The following PAN3 variants were observed in gnomAD, a reference collection of about 807,000 sequenced individuals.
PAN3 encodes poly(A) specific ribonuclease subunit PAN3, also known as PAN2-PAN3 deadenylation complex subunit PAN3.
In PAN3, 19 loss-of-function variants were observed where a neutral mutation model predicts 96.2. The observed-to-expected ratio is 0.20, with a 90% CI of 0.14 to 0.29. PAN3 has a LOEUF of 0.29. Ranked by LOEUF, PAN3 falls within the 10% of genes least tolerant of loss-of-function variation. The pLI is 1.00. For synonymous variants in PAN3, 433 were observed against 406.6 expected (o/e 1.06, Z -0.78); for missense variants, 882 against 1,108.1 (o/e 0.80, Z 2.90).
chr13:28,235,301 T>C (rs1882976939), intron 6 of PAN3, among the ~76,000 whole-genome samples: 1 of 152,190 alleles, frequency 6.6e-6, no homozygotes, highest in Admixed American at 6.5e-5. Flanking sequence ...CCTCTTCCCC[T>C]GTTTACTTCC....
At chr13:28,243,043 A>C (rs967821370) in intron 6 of PAN3, among the ~76,000 whole-genome samples, 1 of 152,182 alleles carries the variant, frequency 6.6e-6, no homozygotes, top group Non-Finnish European at 1.5e-5. Context: ...TCTTATTTCA[A>C]ATATTTTGTA....
intron 9 of PAN3, 54 bp from the exon 10 acceptor site, chr13:28,266,661 G>A: frequency 2.2e-6 from 3 of 1,368,392 alleles, no homozygotes; most frequent in Admixed American, 2.5e-5. Context: ...GTATTTTTGA[G>A]AAAGATTTAT....
chr13:28,152,740 A>G (rs537927403), intron 1 of PAN3, among the ~76,000 whole-genome samples: 2 of 152,366 alleles, frequency 1.3e-5, no homozygotes, highest in Admixed American at 6.5e-5. Flanking sequence ...TGAAAAAATG[A>G]CAGCCCTTCA....
chr13:28,207,625 G>A (rs1879530303), intron 5 of PAN3, among the ~76,000 whole-genome samples: 1 of 152,086 alleles, frequency 6.6e-6, no homozygotes, highest in South Asian at 2.1e-4. Flanking sequence ...TAGCAAACTT[G>A]TCTTTTAAGA....
chr13:28,290,030 G>A (rs1869546665), intron 18 of PAN3, among the ~76,000 whole-genome samples: 1 of 152,272 alleles, frequency 6.6e-6, no homozygotes, highest in Non-Finnish European at 1.5e-5. Flanking sequence ...GTATAAACCA[G>A]GAGCTGGTAA....
chr13:28,256,717 C>T (rs1321342477), intron 7 of PAN3, among the ~76,000 whole-genome samples, 178 bp downstream of exon 7: 4 of 152,108 alleles, frequency 2.6e-5, no homozygotes, highest in Non-Finnish European at 4.4e-5. Context: ...TCTAGTTCTG[C>T]CTTACTAATA....
chr13:28,221,533 A>G (rs1177968970), intron 6 of PAN3, among the ~76,000 whole-genome samples: 1 of 152,124 alleles, frequency 6.6e-6, no homozygotes. Flanking sequence ...GGAGAAGATA[A>G]AGATAACACA....
intron 12 of PAN3, among the ~76,000 whole-genome samples, chr13:28,268,554 G>A (rs2138658212): frequency 6.6e-6 from 1 of 152,206 alleles, no homozygotes; most frequent in African/African-American, 2.4e-5. Flanking sequence ...GTGTTAAAGG[G>A]TAAATGATTT....
Position 28,174,353 on chromosome 13 carries a change from G to A in PAN3, c.512G>A (p.Gly171Glu), listed in dbSNP as rs1422980885. Residue 171 changes from glycine to glutamate, a missense_variant, in exon 2 of 19, where the codon GGA (glycine) becomes GAA (glutamate). By Grantham distance (98) the Gly-to-Glu change is moderately conservative (BLOSUM62 -2). Transcript: ENST00000380958. ...YFSTSFIGVNGFGSPVETKYP... is the reference protein window; with the variant it reads ...YFSTSFIGVNEFGSPVETKYP... ...AGCACCAGCTTTATTGGAGTCAATG[G>A]ATTTGGAAGCCCTGTAGAAACAAAA... 1.2e-6 allele frequency: 2 copies of A among 1,613,224 alleles called. No individual in the cohort carries two copies. Among genetic ancestry groups the A allele is most frequent in the African/African-American group, 1.3e-5 (1 of 75,014 alleles).
intron 1 of PAN3, among the ~76,000 whole-genome samples, chr13:28,140,690 T>C (rs1167342803): frequency 7.2e-6 from 1 of 138,472 alleles, no homozygotes; most frequent in Non-Finnish European, 1.5e-5. Flanking sequence ...CCAAGTGTTG[T>C]TCTGTTCTGT....
In PAN3 at chr13:28,288,927, C is replaced by T. The variant is rs538754622; in HGVS notation, c.2523+805C>T. 1.9e-4 allele frequency among the ~76,000 whole-genome samples: 28 copies of T among 146,232 alleles called. 1 individual carries two copies. In the South Asian group the frequency reaches 3.9e-3, roughly 21 times the overall value. ...CTGCAAGCTCCGCCTCCCGGGTTCA[C>T]GCCATTCTCCTGCCTCAGCCTCCCA... On this transcript the variant is annotated intron_variant, in intron 18 of 18. Transcript: ENST00000380958.
chr13:28,163,906 A>G (rs1404042428), intron 1 of PAN3, among the ~76,000 whole-genome samples: 1 of 152,124 alleles, frequency 6.6e-6, no homozygotes, highest in Non-Finnish European at 1.5e-5. Context: ...TTACTGAATA[A>G]TCCCCCTTTT....
intron 4 of PAN3, among the ~76,000 whole-genome samples, chr13:28,191,591 A>G (rs570871107): frequency 6.6e-6 from 1 of 152,242 alleles, no homozygotes; most frequent in Non-Finnish European, 1.5e-5. Flanking sequence ...ACCCTAACCT[A>G]GACTACTGCC....
At chr13:28,287,714 A>G (rs1869162580) in intron 17 of PAN3, among the ~76,000 whole-genome samples, 1 of 152,164 alleles carries the variant, frequency 6.6e-6, no homozygotes, top group African/African-American at 2.4e-5. Context: ...TACCTTTTCC[A>G]TTTTATCTAA....
rs17086466 is a variant in PAN3, at chr13:28,267,492, C to T, written c.1792+91C>T. ...CTATTTTAAAATACGTATAATTTTT[C>T]CCTGTAATCATTTAGTTTAAAGACT... On this transcript the variant is annotated intron_variant, in intron 12 of 18. Transcript: ENST00000380958. The T allele has an allele frequency of 5.0e-3, 5,299 of 1,061,520 alleles. 168 individuals are homozygous for T. The African/African-American group carries it at 0.067, about 13-fold the overall frequency. 65.8% of individuals were successfully genotyped at this position (1,061,520 alleles called of 1,614,324 possible).
chr13:28,187,168 A>G (rs1876588690), intron 4 of PAN3, among the ~76,000 whole-genome samples: 1 of 151,676 alleles, frequency 6.6e-6, no homozygotes. Flanking sequence ...CTCTACAAAA[A>G]ATACAAAAAT....
chr13:28,274,029 A>T (rs1373887435), intron 14 of PAN3, among the ~76,000 whole-genome samples: 1 of 152,138 alleles, frequency 6.6e-6, no homozygotes, highest in Non-Finnish European at 1.5e-5. Context: ...ACTTGCAGGC[A>T]CTCATTGCAT....
intron 6 of PAN3, among the ~76,000 whole-genome samples, chr13:28,224,716 C>T (rs915098230): frequency 2.0e-5 from 3 of 152,096 alleles, no homozygotes; most frequent in Non-Finnish European, 2.9e-5. Context: ...GTTCCAGCTC[C>T]GGCGCAAGCA....
At chr13:28,223,549 G>GT (rs60440243) in intron 6 of PAN3, among the ~76,000 whole-genome samples, 373 of 145,188 alleles carry the variant, frequency 2.6e-3, no homozygotes, top group South Asian at 4.1e-3. Flanking sequence ...AAGAACCACT[G>GT]TTTTTTTTTT....
Sources: allele counts gnomAD v4.1 joint callset (sites outside exome capture counted in the v4.1 genomes callset), GRCh38; gene constraint gnomAD v4.1.1; transcripts MANE v1.5; gene names NCBI Gene and HGNC (gene_info 2026-07-23, HGNC 2026-07-21).